The following SGCZ variants were observed in gnomAD, a reference collection of about 807,000 sequenced individuals.
The protein encoded by SGCZ is zeta-sarcoglycan.
SGCZ carries 40 observed loss-of-function variants against 41.3 expected under a neutral mutation model. The observed-to-expected ratio is 0.97, with a 90% CI of 0.75 to 1.26. The LOEUF is 1.26. SGCZ is among the 50% of genes most tolerant of loss of function. The pLI, the probability that SGCZ is intolerant of heterozygous loss-of-function variation, is 0.00. For missense variants in SGCZ, 552 were observed against 369.8 expected (o/e 1.49, Z -4.04); for synonymous variants, 206 against 137.5 (o/e 1.50, Z -3.49).
At chr8:14,881,902 A>G (rs956350237) in intron 1 of SGCZ, among the ~76,000 whole-genome samples, 2 of 152,224 alleles carry the variant, frequency 1.3e-5, no homozygotes, top group African/African-American at 2.4e-5. Flanking sequence ...CAATCAAATT[A>G]GAACTCAGGA....
At chr8:14,146,386 A>C (rs190554768) in intron 5 of SGCZ, among the ~76,000 whole-genome samples, 2 of 152,308 alleles carry the variant, frequency 1.3e-5, no homozygotes, top group Non-Finnish European at 2.9e-5. Flanking sequence ...CCCCAGACAA[A>C]CTAAAGCCGA....
At chr8:14,155,194 A>T (rs1231766358) in intron 5 of SGCZ, among the ~76,000 whole-genome samples, 1 of 152,174 alleles carries the variant, frequency 6.6e-6, no homozygotes, top group African/African-American at 2.4e-5. Context: ...TTTTTCCTTG[A>T]TTCCTGACCT....
At chr8:14,485,727 T>C (rs1801652679) in intron 2 of SGCZ, among the ~76,000 whole-genome samples, 1 of 152,120 alleles carries the variant, frequency 6.6e-6, no homozygotes, top group African/African-American at 2.4e-5. Context: ...GGTCTATCTT[T>C]CCTCAACTCT....
rs372107437 is a variant in SGCZ, at chr8:14,639,011, A to G, written c.40-84085T>C. On this transcript the variant is annotated intron_variant, in intron 1 of 7. Coordinates refer to ENST00000382080, the MANE Select transcript of SGCZ (RefSeq NM_139167.4). ...ACTAGAATACGGGAGATGTATCTTT[A>G]GAAATAATACACTAAGAAACTGGAA... 2.0e-3 allele frequency among the ~76,000 whole-genome samples: 295 copies of G among 151,014 alleles called. 16 individuals are homozygous for G. The South Asian group carries it at 0.061, about 31-fold the overall frequency.
chr8:14,649,633 CGTTAA>C lies in SGCZ; in HGVS notation c.40-94712_40-94708del, dbSNP rs200110179. 9.0e-3 allele frequency among the ~76,000 whole-genome samples: 1,370 copies of C among 152,158 alleles called. 14 individuals carry two copies. The highest frequency in any genetic ancestry group is 0.041 in the Middle Eastern group (12 of 294). ...AAACCTAACTGTCGAAAGCTCAGCT[CGTTAA>C]GTTTTCAGTTACTGGAAAATAAACA... On this transcript the variant is annotated intron_variant, in intron 1 of 7. Coordinates refer to ENST00000382080, the MANE Select transcript of SGCZ (RefSeq NM_139167.4).
Position 14,816,274 on chromosome 8 carries a change from G to A in SGCZ, c.40-261348C>T, listed in dbSNP as rs181698073. ...CAGCACAGTTCTACAGCTCTTCAAC[G>A]TATTTCTGCCTGTTCTATGCTCTGA... On this transcript the variant is annotated intron_variant, in intron 1 of 7. Coordinates refer to ENST00000382080, the MANE Select transcript of SGCZ (RefSeq NM_139167.4). Among the ~76,000 whole-genome samples, 6 of 152,282 alleles carry A rather than the reference G, an allele frequency of 3.9e-5. No individual in the cohort carries two copies. The East Asian group carries it at 5.8e-4, about 15-fold the overall frequency.
At chr8:14,619,773 G>A (rs567842640) in intron 1 of SGCZ, among the ~76,000 whole-genome samples, 60 of 152,080 alleles carry the variant, frequency 3.9e-4, no homozygotes, top group African/African-American at 1.3e-3. Flanking sequence ...TACAAACCAC[G>A]CTCAACGAAA....
chr8:14,469,856 G>C (rs959663349), intron 2 of SGCZ, among the ~76,000 whole-genome samples: 2 of 152,134 alleles, frequency 1.3e-5, no homozygotes, highest in African/African-American at 4.8e-5. Flanking sequence ...AGAGGGCATG[G>C]AAGCTCTGTG....
intron 4 of SGCZ, among the ~76,000 whole-genome samples, chr8:14,201,770 A>G (rs1271700588): frequency 6.6e-6 from 1 of 152,162 alleles, no homozygotes; most frequent in African/African-American, 2.4e-5. Flanking sequence ...TAACTACACA[A>G]ATTATACCTT....
chr8:14,184,521 A>G (rs1201248988), intron 4 of SGCZ, among the ~76,000 whole-genome samples: 3 of 152,142 alleles, frequency 2.0e-5, no homozygotes, highest in African/African-American at 7.2e-5. Flanking sequence ...TCTGTATCAA[A>G]GAAGATTATT....
chr8:14,108,342 C>T (rs2117001305), intron 5 of SGCZ, 107 bp from the exon 6 acceptor site: 2 of 942,190 alleles, frequency 2.1e-6, no homozygotes, highest in African/African-American at 1.6e-5. Flanking sequence ...AAACTTAAAA[C>T]AGGTACATAT....
At position 14,811,462 on chromosome 8, in the gene SGCZ, G is replaced by A. The variant is rs577009655; in HGVS notation, c.40-256536C>T. On this transcript the variant is annotated intron_variant, in intron 1 of 7. Coordinates refer to ENST00000382080, the MANE Select transcript of SGCZ (RefSeq NM_139167.4). ...CAAAAACAAAAACAACCTGGAGATC[G>A]TCAGAGATACTAAGTGACTTGCCTA... is the stretch of plus-strand genomic sequence containing the variant. Among the ~76,000 whole-genome samples the A allele has an allele frequency of 1.1e-4, 15 of 139,936 alleles. No individual in the cohort carries two copies. In the East Asian group the frequency reaches 1.8e-3, roughly 17 times the overall value. 91.8% of individuals were successfully genotyped at this position (139,936 alleles called of 152,430 possible).
intron 2 of SGCZ, among the ~76,000 whole-genome samples, chr8:14,514,708 C>G (rs1390033445): frequency 6.8e-6 from 1 of 147,750 alleles, no homozygotes; most frequent in Non-Finnish European, 1.5e-5. Flanking sequence ...TATGTACACA[C>G]ATTTACATAT....
At chr8:15,227,539 G>A (rs1047451467) in intron 1 of SGCZ, among the ~76,000 whole-genome samples, 5 of 152,152 alleles carry the variant, frequency 3.3e-5, no homozygotes, top group African/African-American at 9.7e-5. Context: ...TTTTGGGGTA[G>A]AAACATAATG....
At chr8:14,962,604 G>A (rs537899804) in intron 1 of SGCZ, among the ~76,000 whole-genome samples, 1 of 152,040 alleles carries the variant, frequency 6.6e-6, no homozygotes, top group African/African-American at 2.4e-5. Context: ...TGAAAATATA[G>A]AAAATTCATT....
At chr8:15,228,893 T>C (rs73524830) in intron 1 of SGCZ, among the ~76,000 whole-genome samples, 1,680 of 152,278 alleles carry the variant, frequency 0.011, 22 homozygotes, top group African/African-American at 0.038. Context: ...TAGCTCTTGA[T>C]AAATTTTTGA....
chr8:15,029,394 C>A (rs1266504151), intron 1 of SGCZ, among the ~76,000 whole-genome samples: 2 of 151,870 alleles, frequency 1.3e-5, no homozygotes, highest in Non-Finnish European at 2.9e-5. Flanking sequence ...TTTCTGTGGA[C>A]TTTTTACTGG....
At chr8:15,041,104 G>T (rs145586653) in intron 1 of SGCZ, among the ~76,000 whole-genome samples, 1 of 151,742 alleles carries the variant, frequency 6.6e-6, no homozygotes, top group Non-Finnish European at 1.5e-5. Context: ...ATTTTTTAGA[G>T]TAATGAGGTG....
chr8:14,091,265 C>G (rs947200181), intron 7 of SGCZ, among the ~76,000 whole-genome samples: 1 of 151,412 alleles, frequency 6.6e-6, no homozygotes, highest in African/African-American at 2.4e-5. Flanking sequence ...GTCCCAAATC[C>G]CTGCTATTGT....
Sources: allele counts gnomAD v4.1 joint callset (sites outside exome capture counted in the v4.1 genomes callset), GRCh38; gene constraint gnomAD v4.1.1; transcripts MANE v1.5; gene names NCBI Gene and HGNC (gene_info 2026-07-23, HGNC 2026-07-21).